The following MGAT4C variants were observed in gnomAD, a reference collection of about 807,000 sequenced individuals.
MGAT4C encodes the protein alpha-1,3-mannosyl-glycoprotein 4-beta-N-acetylglucosaminyltransferase C.
A neutral mutation model predicts 40.1 loss-of-function variants in MGAT4C; 19 were observed. The observed-to-expected ratio is 0.47, with a 90% CI of 0.33 to 0.70. MGAT4C has a LOEUF of 0.70. MGAT4C is among the 30% of genes least tolerant of loss of function. MGAT4C has a pLI of 0.02. For missense variants in MGAT4C, 491 were observed against 563.2 expected, an observed-to-expected ratio of 0.87 and a Z score of 1.30; for synonymous variants, 181 against 187.1, an observed-to-expected ratio of 0.97 and a Z score of 0.27.
chr12:86,449,186 A>C (rs1193536852), intron 2 of MGAT4C, among the ~76,000 whole-genome samples: 1 of 152,210 alleles, frequency 6.6e-6, no homozygotes, highest in Non-Finnish European at 1.5e-5. Flanking sequence ...ACATACAATC[A>C]ATAATTTTCA....
intron 1 of MGAT4C, among the ~76,000 whole-genome samples, chr12:86,764,868 A>G (rs970623838): frequency 6.6e-6 from 1 of 152,078 alleles, no homozygotes; most frequent in Non-Finnish European, 1.5e-5. Context: ...CCATCTGTAC[A>G]TCACCATCAT....
At chr12:86,356,484 G>C (rs1049775137) in intron 3 of MGAT4C, among the ~76,000 whole-genome samples, 3 of 152,064 alleles carry the variant, frequency 2.0e-5, no homozygotes, top group African/African-American at 7.2e-5. Context: ...TTGGACACTG[G>C]GTGCAGCGCA....
rs79771328 is a variant in MGAT4C at position 86,787,249 on chromosome 12, C to A, written c.-262+51417G>T. On this transcript the variant is annotated intron_variant, in intron 1 of 7. Transcript: ENST00000548651. Reference sequence around the variant, plus strand: ...ATAAGTGAGAATATGCAGTATTTGACATTCTGTTTCTGACTTATCTCACTT... The same window carrying A: ...ATAAGTGAGAATATGCAGTATTTGAAATTCTGTTTCTGACTTATCTCACTT... 9.0e-3 allele frequency among the ~76,000 whole-genome samples: 1,375 copies of A among 152,186 alleles called. 14 individuals are homozygous for A. Among genetic ancestry groups the A allele is most frequent in the African/African-American group, 0.031 (1,308 of 41,536 alleles).
At chr12:86,688,112 T>A (rs1419758673) in intron 2 of MGAT4C, among the ~76,000 whole-genome samples, 2 of 151,986 alleles carry the variant, frequency 1.3e-5, no homozygotes. Context: ...TTGATCTTTG[T>A]TGGTTGAAAG....
intron 1 of MGAT4C, among the ~76,000 whole-genome samples, chr12:86,118,689 T>C (rs1878848954): frequency 6.6e-6 from 1 of 152,176 alleles, no homozygotes; most frequent in Admixed American, 6.6e-5. Flanking sequence ...GATATGTTTC[T>C]ATATTAGATT....
rs1445928935 is a variant in MGAT4C at position 86,123,280 on chromosome 12, C to T, written c.-56-73557G>A. ...GATTGCAGTGTCCTGAGAGATTTGA[C>T]AGTGTAAGTGCTGGGAGTGATTTGA... is the stretch of plus-strand genomic sequence containing the variant. On this transcript the variant is annotated intron_variant, in intron 1 of 4. Coordinates refer to ENST00000611864, the MANE Select transcript of MGAT4C (RefSeq NM_001351288.2). Among the ~76,000 whole-genome samples, 3 of 152,094 alleles carry T rather than the reference C, an allele frequency of 2.0e-5. No individual in the cohort carries two copies. The East Asian group carries it at 5.8e-4, about 29-fold the overall frequency.
chr12:86,370,665 T>C (rs2136211067), intron 3 of MGAT4C, among the ~76,000 whole-genome samples: 1 of 152,210 alleles, frequency 6.6e-6, no homozygotes, highest in Non-Finnish European at 1.5e-5. Flanking sequence ...GCTATGAATG[T>C]TTCTTATCAC....
At chr12:86,222,878 T>G (rs1367887954) in intron 1 of MGAT4C, among the ~76,000 whole-genome samples, 9 of 152,154 alleles carry the variant, frequency 5.9e-5, no homozygotes, top group Admixed American at 5.9e-4. Context: ...TGGAAGAAGC[T>G]TCCGGATGTG....
intron 1 of MGAT4C, among the ~76,000 whole-genome samples, chr12:86,244,495 C>T (rs2136054794): frequency 6.6e-6 from 1 of 152,254 alleles, no homozygotes; most frequent in East Asian, 1.9e-4. Flanking sequence ...ATTATGGCTC[C>T]CTAAAGGGAT....
intron 1 of MGAT4C, among the ~76,000 whole-genome samples, chr12:86,059,213 AT>A (rs1217942771): frequency 1.3e-5 from 2 of 151,848 alleles, no homozygotes; most frequent in Non-Finnish European, 2.9e-5. Context: ...CACTTGACTA[AT>A]TTTTGTATTT....
At chr12:86,672,603 C>T (rs1159192201) in intron 2 of MGAT4C, among the ~76,000 whole-genome samples, 1 of 151,986 alleles carries the variant, frequency 6.6e-6, no homozygotes, top group Non-Finnish European at 1.5e-5. Flanking sequence ...ACATCTGATA[C>T]TACAGAAATT....
At chr12:86,398,508 T>C (rs1454469117) in intron 3 of MGAT4C, among the ~76,000 whole-genome samples, 2 of 152,094 alleles carry the variant, frequency 1.3e-5, no homozygotes, top group Admixed American at 6.6e-5. Context: ...TGTATACATA[T>C]ATGGTATACA....
intron 1 of MGAT4C, among the ~76,000 whole-genome samples, chr12:86,733,408 G>A (rs533267060): frequency 1.2e-4 from 18 of 152,042 alleles, no homozygotes; most frequent in Admixed American, 6.6e-4. Context: ...TATGATCCCC[G>A]AGTAACAAGA....
chr12:86,829,502 T>A (rs1168241926), intron 1 of MGAT4C, among the ~76,000 whole-genome samples: 1 of 151,538 alleles, frequency 6.6e-6, no homozygotes, highest in African/African-American at 2.4e-5. Context: ...TAAGGTCCAA[T>A]ATATATTCAT....
intron 1 of MGAT4C, among the ~76,000 whole-genome samples, chr12:86,823,424 C>A (rs1952740758): frequency 6.6e-6 from 1 of 150,964 alleles, no homozygotes; most frequent in Non-Finnish European, 1.5e-5. Flanking sequence ...ATGTAATTAT[C>A]TGTTAATTTT....
At chr12:86,070,158 C>T (rs1271458267) in intron 1 of MGAT4C, among the ~76,000 whole-genome samples, 2 of 151,694 alleles carry the variant, frequency 1.3e-5, no homozygotes, top group African/African-American at 4.8e-5. Flanking sequence ...CACTTATCCT[C>T]CTTAAGTCAA....
intron 2 of MGAT4C, among the ~76,000 whole-genome samples, chr12:86,514,635 T>A (rs945391727): frequency 5.3e-5 from 8 of 152,214 alleles, no homozygotes; most frequent in African/African-American, 1.9e-4. Context: ...CTCTTCCAGA[T>A]AAAAGAACCC....
At chr12:86,460,974 G>T (rs1441650672) in intron 2 of MGAT4C, among the ~76,000 whole-genome samples, 1 of 151,972 alleles carries the variant, frequency 6.6e-6, no homozygotes, top group Non-Finnish European at 1.5e-5. Flanking sequence ...GAGTTTTAAA[G>T]TCTTGTCATT....
At chr12:86,796,457 C>T (rs1952121565) in intron 1 of MGAT4C, among the ~76,000 whole-genome samples, 1 of 151,764 alleles carries the variant, frequency 6.6e-6, no homozygotes, top group Non-Finnish European at 1.5e-5. Context: ...GTGAAATAAG[C>T]CAGAAATGGA....
Sources: allele counts gnomAD v4.1 joint callset (sites outside exome capture counted in the v4.1 genomes callset), GRCh38; gene constraint gnomAD v4.1.1; transcripts MANE v1.5; gene names NCBI Gene and HGNC (gene_info 2026-07-23, HGNC 2026-07-21).